Variants in AK7 observed in about 807,000 individuals in gnomAD.
The protein encoded by AK7 is adenylate kinase 7, also known as ATP-AMP transphosphorylase 7.
In AK7, 78 loss-of-function variants were observed where a neutral mutation model predicts 96.6. That is an observed-to-expected ratio of 0.81 (90% confidence interval 0.67 to 0.97). The LOEUF is 0.97. Among genes scored for constraint, AK7 ranks in the 50% least tolerant of loss-of-function variants. The pLI is 0.00. For missense variants in AK7, 855 were observed against 887.9 expected (o/e 0.96, Z 0.47); for synonymous variants, 302 against 317.2 (o/e 0.95, Z 0.51).
chr14:96,392,583 G>A (rs967246013), intron 1 of AK7, among the ~76,000 whole-genome samples: 3 of 152,248 alleles, frequency 2.0e-5, no homozygotes, highest in African/African-American at 7.2e-5. Flanking sequence ...CCTGGACAGA[G>A]ACTCCAGGTC....
intron 5 of AK7, among the ~76,000 whole-genome samples, chr14:96,424,651 A>G (rs1331985216): frequency 6.6e-6 from 1 of 152,228 alleles, no homozygotes; most frequent in African/African-American, 2.4e-5. Context: ...CTTTACCAAT[A>G]CAAACACTGT....
intron 12 of AK7, among the ~76,000 whole-genome samples, chr14:96,459,208 C>T (rs564375243): frequency 5.9e-5 from 9 of 151,950 alleles, no homozygotes; most frequent in East Asian, 3.9e-4. Flanking sequence ...CGTGGTGGCA[C>T]GTGCCTGTAA....
At chr14:96,478,924 G>C (rs1381784323) in intron 15 of AK7, among the ~76,000 whole-genome samples, 1 of 145,844 alleles carries the variant, frequency 6.9e-6, no homozygotes, top group Admixed American at 6.8e-5. Context: ...TTTTTTTTGT[G>C]GGGGGATGGA....
rs188578976 is a variant in AK7 at position 96,404,104 on chromosome 14, A to G, written c.295-653A>G. Among the ~76,000 whole-genome samples, 403 of 147,758 alleles carry G rather than the reference A, an allele frequency of 2.7e-3. 4 individuals are homozygous for G. Among genetic ancestry groups the G allele is most frequent in the African/African-American group, 9.6e-3 (385 of 39,922 alleles). ...GGTTGCAGTGAGCTGAGATCACGCCACTGCACTCCAGCCTGGGCAAAACAG... is the reference window on the plus strand; with the variant it reads ...GGTTGCAGTGAGCTGAGATCACGCCGCTGCACTCCAGCCTGGGCAAAACAG... On this transcript the variant is annotated intron_variant, in intron 2 of 17. Coordinates refer to ENST00000267584, the MANE Select transcript of AK7 (RefSeq NM_152327.5).
At position 96,416,385 on chromosome 14, in the gene AK7, C is replaced by CAA. The variant is rs35859783; in HGVS notation, c.499-4425_499-4424dup. Among the ~76,000 whole-genome samples the CAA allele has an allele frequency of 3.7e-3, 443 of 121,000 alleles. 4 individuals are homozygous for CAA. Among genetic ancestry groups the CAA allele is most frequent in the Middle Eastern group, 0.034 (8 of 238 alleles). 79.4% of individuals were successfully genotyped at this position (121,000 alleles called of 152,430 possible). On this transcript the variant is annotated intron_variant, in intron 4 of 17. Transcript: ENST00000267584. ...CTGGAGACAGAGTGAGACTCTGTCT[C>CAA]AAAAAAAAAAAAAGAGAATCCAACA...
At chr14:96,447,522 C>T (rs1893314547) in intron 8 of AK7, among the ~76,000 whole-genome samples, 1 of 151,968 alleles carries the variant, frequency 6.6e-6, no homozygotes, top group Non-Finnish European at 1.5e-5. Context: ...GAGGTCTCAC[C>T]ATGTCACCAG....
In AK7 at chr14:96,425,480, AT is replaced by A. The variant is rs35861988; in HGVS notation, c.609+4568del. Among the ~76,000 whole-genome samples the A allele has an allele frequency of 7.8e-3, 933 of 119,082 alleles. 9 individuals carry two copies. The highest frequency in any genetic ancestry group is 0.025 in the African/African-American group (774 of 31,184). 78.1% of individuals were successfully genotyped at this position (119,082 alleles called of 152,430 possible). ...TTTCATCTTTTAATGAGTCACACTG[AT>A]TTTTTTTTTTTTTTTTTTTGAGACA... is the stretch of plus-strand genomic sequence containing the variant. On this transcript the variant is annotated intron_variant, in intron 5 of 17. Transcript: ENST00000267584.
intron 2 of AK7, among the ~76,000 whole-genome samples, chr14:96,404,487 G>A (rs1890593416): frequency 6.6e-6 from 1 of 152,098 alleles, no homozygotes; most frequent in Non-Finnish European, 1.5e-5. Flanking sequence ...TTCTGAATTG[G>A]AGTTTAAACA....
chr14:96,423,570 T>C, intron 5 of AK7: 1 of 487,796 alleles, frequency 2.1e-6, no homozygotes. Flanking sequence ...AGCCACCATC[T>C]CAGTGCTCAG....
At chr14:96,464,899 G>C (rs919545954) in intron 12 of AK7, among the ~76,000 whole-genome samples, 1 of 152,082 alleles carries the variant, frequency 6.6e-6, no homozygotes, top group Non-Finnish European at 1.5e-5. Context: ...GGCTTTATCT[G>C]GCCTTTATTC....
intron 9 of AK7, among the ~76,000 whole-genome samples, chr14:96,450,768 CTT>C (rs937558741): frequency 1.4e-4 from 13 of 93,176 alleles, no homozygotes; most frequent in South Asian, 7.2e-4. Context: ...ATATTTTTCT[CTT>C]TTTTTTTTTT....
At chr14:96,419,784 C>CTT (rs11449244) in intron 4 of AK7, among the ~76,000 whole-genome samples, 1,371 of 101,618 alleles carry the variant, frequency 0.013, 97 homozygotes, top group East Asian at 0.076. Context: ...TTTTTTCTTT[C>CTT]TTTTCTTTTT....
intron 4 of AK7, among the ~76,000 whole-genome samples, chr14:96,418,322 T>TTAAAAAAAAAAAAAAAAAAAAA: frequency 2.4e-5 from 1 of 41,820 alleles, no homozygotes; most frequent in Non-Finnish European, 4.5e-5. Flanking sequence ...AGACCTTGTC[T>TTAAAAAAAAAAAAAAAAAAAAA]AAAAAAAAAA....
intron 8 of AK7, among the ~76,000 whole-genome samples, chr14:96,447,529 C>T (rs1425765126): frequency 1.3e-5 from 2 of 152,040 alleles, no homozygotes; most frequent in African/African-American, 4.8e-5. Context: ...CACCATGTCA[C>T]CAGGCTGGTC....
intron 14 of AK7, among the ~76,000 whole-genome samples, chr14:96,475,911 C>T (rs1895149044): frequency 6.6e-6 from 1 of 151,026 alleles, no homozygotes; most frequent in Middle Eastern, 3.2e-3. Flanking sequence ...CCCAGGAGGT[C>T]AAGGCGGTGG....
At chr14:96,455,275 A>G (rs1273309030) in intron 10 of AK7, among the ~76,000 whole-genome samples, 1 of 152,140 alleles carries the variant, frequency 6.6e-6, no homozygotes, top group Non-Finnish European at 1.5e-5. Context: ...CCTTGAGTGC[A>G]GGAGTTTGGG....
At chr14:96,430,909 A>AT (rs1892312733) in intron 5 of AK7, among the ~76,000 whole-genome samples, 1 of 151,966 alleles carries the variant, frequency 6.6e-6, no homozygotes, top group Admixed American at 6.6e-5. Context: ...GTCCTGGACT[A>AT]TTTTTGGTTG....
chr14:96,394,829 A>G (rs1889970219), intron 1 of AK7, among the ~76,000 whole-genome samples: 1 of 152,300 alleles, frequency 6.6e-6, no homozygotes, highest in South Asian at 2.1e-4. Context: ...TACAAAAATT[A>G]GCCAGGTGTG....
chr14:96,453,790 G>T (rs977766676), intron 10 of AK7, among the ~76,000 whole-genome samples: 1 of 152,132 alleles, frequency 6.6e-6, no homozygotes, highest in African/African-American at 2.4e-5. Flanking sequence ...TTTTACACCT[G>T]GATAAAGTGA....
Sources: allele counts gnomAD v4.1 joint callset (sites outside exome capture counted in the v4.1 genomes callset), GRCh38; gene constraint gnomAD v4.1.1; transcripts MANE v1.5; gene names NCBI Gene and HGNC (gene_info 2026-07-23, HGNC 2026-07-21).